BRK1: variants seen among roughly 807,000 people sequenced by gnomAD.
The protein encoded by BRK1 is BRICK1 subunit of SCAR/WAVE actin nucleating complex.
In BRK1, 6 loss-of-function variants were observed where a neutral mutation model predicts 9.9. That is an observed-to-expected ratio of 0.60 (90% CI 0.33 to 1.19). The LOEUF (loss-of-function observed/expected upper bound fraction) is 1.19, where lower values mean the gene tolerates loss of function less well. Among genes scored for constraint, BRK1 ranks in the 50% most tolerant of loss-of-function variants. The pLI is 0.04. For synonymous variants in BRK1, 44 were observed against 31.9 expected, an observed-to-expected ratio of 1.38 and a Z score of -1.28; for missense variants, 62 against 97.5, an observed-to-expected ratio of 0.64 and a Z score of 1.53.
intron 1 of BRK1, among the ~76,000 whole-genome samples, chr3:10,122,643 C>T (rs574794174): frequency 4.6e-5 from 7 of 152,090 alleles, no homozygotes; most frequent in South Asian, 4.1e-4. Context: ...ATCACTTGAA[C>T]CTAGGAGTTG....
At chr3:10,118,892 C>A (rs1695720275) in intron 1 of BRK1, among the ~76,000 whole-genome samples, 2 of 152,174 alleles carry the variant, frequency 1.3e-5, no homozygotes, top group Admixed American at 1.3e-4. Flanking sequence ...TCTCTTCTTC[C>A]CCTTCTTCCT....
chr3:10,115,709 G>C lies in BRK1; in HGVS notation c.8G>C (p.Gly3Ala). 6.2e-7 allele frequency: 1 copy of C among 1,613,920 alleles called. No homozygotes were observed. The highest frequency in any genetic ancestry group is 1.1e-5 in the South Asian group (1 of 91,088). Reference sequence around the variant, plus strand: ...CTTCCTCAGGCGGCGGCCATGGCGGGACAGGAGGATCCGGTGCAGCGGGAG... The same window carrying C: ...CTTCCTCAGGCGGCGGCCATGGCGGCACAGGAGGATCCGGTGCAGCGGGAG... MA[G>A]QEDPVQREIH... Residue 3 changes from glycine (G) to alanine (A), a missense_variant, in exon 1 of 3, where the codon GGA (glycine) becomes GCA (alanine). Physicochemically the swap from Gly to Ala is moderately conservative, Grantham distance 60. Coordinates refer to ENST00000530758, the MANE Select transcript of BRK1 (RefSeq NM_018462.5).
At chr3:10,118,436 T>C (rs1203875631) in intron 1 of BRK1, among the ~76,000 whole-genome samples, 3 of 152,134 alleles carry the variant, frequency 2.0e-5, no homozygotes, top group Non-Finnish European at 4.4e-5. Flanking sequence ...TTAGTAGGCT[T>C]GTACAATTGT....
At chr3:10,123,594 C>A (rs1433314460) in intron 1 of BRK1, among the ~76,000 whole-genome samples, 1 of 13,746 alleles carries the variant, frequency 7.3e-5, no homozygotes, top group South Asian at 3.7e-3. Flanking sequence ...GCCACCACAC[C>A]CGGCTAATTT....
chr3:10,119,018 G>T (rs375192053), intron 1 of BRK1, among the ~76,000 whole-genome samples: 2 of 144,920 alleles, frequency 1.4e-5, no homozygotes, highest in Admixed American at 1.4e-4. Flanking sequence ...TGTTTGTTTT[G>T]TTTGTTTTTT....
chr3:10,121,882 CTTT>C (rs911888155), intron 1 of BRK1, among the ~76,000 whole-genome samples: 1 of 88,140 alleles, frequency 1.1e-5, no homozygotes, highest in Non-Finnish European at 2.1e-5. Flanking sequence ...CACCCGGCCA[CTTT>C]TTTTTTTTTT....
chr3:10,122,406 T>G (rs1343821082), intron 1 of BRK1, among the ~76,000 whole-genome samples: 1 of 152,042 alleles, frequency 6.6e-6, no homozygotes, highest in Non-Finnish European at 1.5e-5. Context: ...ATGAATAACT[T>G]ACAAATTAGA....
At chr3:10,119,394 G>A (rs1695728834) in intron 1 of BRK1, among the ~76,000 whole-genome samples, 1 of 152,080 alleles carries the variant, frequency 6.6e-6, no homozygotes, top group African/African-American at 2.4e-5. Context: ...GGAGGCAAAG[G>A]TTGCAGTGAG....
rs1308266762 is a variant in BRK1 at position 10,126,297 on chromosome 3, A to G, written c.*2A>G. On this transcript the variant is annotated 3_prime_UTR_variant, in exon 3 of 3. Coordinates refer to ENST00000530758, the MANE Select transcript of BRK1 (RefSeq NM_018462.5). Reference sequence around the variant, plus strand: ...ACAAAAGGTGAGACACTCACCTAGAACAGTGCCGTGCTGCTGCTGGGAAGT... The same window carrying G: ...ACAAAAGGTGAGACACTCACCTAGAGCAGTGCCGTGCTGCTGCTGGGAAGT... 6.3e-7 allele frequency: 1 copy of G among 1,577,712 alleles called. No individual in the cohort carries two copies. Among genetic ancestry groups the G allele is most frequent in the South Asian group, 1.2e-5 (1 of 85,640 alleles).
intron 1 of BRK1, among the ~76,000 whole-genome samples, chr3:10,123,882 C>T (rs865950744): frequency 6.6e-6 from 1 of 151,226 alleles, no homozygotes; most frequent in Admixed American, 6.6e-5. Context: ...ACTAGAGGCA[C>T]CCGCCACCAC....
At chr3:10,124,839 T>G (rs1213727913) in intron 1 of BRK1, among the ~76,000 whole-genome samples, 1 of 152,192 alleles carries the variant, frequency 6.6e-6, no homozygotes. Flanking sequence ...TTACATCCCT[T>G]GGTTCATGGC....
At chr3:10,125,509 G>GTATCCATT in intron 1 of BRK1, 117 bp from the exon 2 acceptor site, 1 of 647,288 alleles carries the variant, frequency 1.5e-6, no homozygotes, top group Admixed American at 2.6e-5. Context: ...TCTTAGCACT[G>GTATCCATT]TATCCATTTC....
chr3:10,126,384 C>A lies in BRK1; in HGVS notation c.*89C>A. On this transcript the variant is annotated 3_prime_UTR_variant, in exon 3 of 3. Coordinates refer to ENST00000530758, the MANE Select transcript of BRK1 (RefSeq NM_018462.5). ...AGCAGCCTTCAGCTCCTTCCTTTCT[C>A]CTTAAAGAGCAACAGGGCTTATTCT... is the stretch of plus-strand genomic sequence containing the variant. 1 of 1,154,088 alleles carries A rather than the reference C, an allele frequency of 8.7e-7. No individual in the cohort carries two copies. The highest frequency in any genetic ancestry group is 2.6e-5 in the East Asian group (1 of 39,030). 71.5% of individuals were successfully genotyped at this position (1,154,088 alleles called of 1,614,324 possible).
At chr3:10,115,950 G>T in intron 1 of BRK1, 131 bp downstream of exon 1, 1 of 711,188 alleles carries the variant, frequency 1.4e-6, no homozygotes, top group Non-Finnish European at 2.5e-6. Context: ...CCTCCTTCAG[G>T]TCCCACCTTC....
chr3:10,117,219 C>T (rs976968420), intron 1 of BRK1, among the ~76,000 whole-genome samples: 3 of 151,964 alleles, frequency 2.0e-5, no homozygotes, highest in Non-Finnish European at 2.9e-5. Context: ...CCAGCCTAGG[C>T]GACTGACTGA....
intron 1 of BRK1, among the ~76,000 whole-genome samples, chr3:10,119,466 A>G (rs1695730019): frequency 6.6e-6 from 1 of 152,154 alleles, no homozygotes; most frequent in Non-Finnish European, 1.5e-5. Context: ...TCAAAGAAAA[A>G]GAATTTACTT....
At position 10,126,437 on chromosome 3, in the gene BRK1, T is replaced by G. The variant is rs1477991527; in HGVS notation, c.*142T>G. 1.3e-6 allele frequency: 1 copy of G among 755,874 alleles called. No individual in the cohort carries two copies. The allele number at this position is 755,874 out of a possible 1,614,324, so 46.8% of individuals were successfully genotyped here. Reference sequence around the variant, plus strand: ...TTTTTCTTTTTTCAAAAGTGTGGCCTTTGGGCTCTGCCATCTGGGGTGTGG... The same window carrying G: ...TTTTTCTTTTTTCAAAAGTGTGGCCGTTGGGCTCTGCCATCTGGGGTGTGG... On this transcript the variant is annotated 3_prime_UTR_variant, in exon 3 of 3. Transcript: ENST00000530758.
At chr3:10,115,953 C>T (rs1695679337) in intron 1 of BRK1, 134 bp downstream of exon 1, 3 of 693,912 alleles carry the variant, frequency 4.3e-6, no homozygotes, top group South Asian at 3.4e-5. Context: ...CCTTCAGGTC[C>T]CACCTTCTCC....
intron 1 of BRK1, among the ~76,000 whole-genome samples, chr3:10,124,478 A>G (rs997796901): frequency 1.3e-5 from 2 of 152,078 alleles, no homozygotes; most frequent in Admixed American, 6.6e-5. Context: ...AACCAAAAAA[A>G]CAAATTACCA....
Sources: gnomAD v4.1 joint callset for allele counts (sites outside exome capture counted in the v4.1 genomes callset) on GRCh38, gnomAD v4.1.1 for gene constraint, MANE v1.5 for transcripts, NCBI Gene and HGNC (gene_info 2026-07-23, HGNC 2026-07-21) for gene names.